Variants in LPIN1 observed in about 807,000 individuals in gnomAD.
The protein encoded by LPIN1 is phosphatidate phosphatase LPIN1.
A neutral mutation model predicts 107.5 loss-of-function variants in LPIN1; 71 were observed. That is an observed-to-expected ratio of 0.66 (90% CI 0.55 to 0.80). The LOEUF (loss-of-function observed/expected upper bound fraction) is 0.80, where lower values mean the gene tolerates loss of function less well. LPIN1 is among the 30% of genes least tolerant of loss of function. The pLI, the probability that LPIN1 is intolerant of heterozygous loss-of-function variation, is 0.00. For missense variants in LPIN1, 1,043 were observed against 1,160.6 expected (o/e 0.90, Z 1.47); for synonymous variants, 445 against 452.6 (o/e 0.98, Z 0.21).
intron 18 of LPIN1, chr2:11,817,462 C>G (rs1680760413): frequency 6.6e-6 from 1 of 152,224 alleles, no homozygotes; most frequent in African/African-American, 2.4e-5. Context: ...CCAAAGTCTT[C>G]TCTGACCTGT....
At position 11,697,411 on chromosome 2, in the gene LPIN1, C is replaced by T. The variant is rs565919752; in HGVS notation, c.82-16345C>T. On this transcript the variant is annotated intron_variant, in intron 1 of 21. Coordinates refer to the LPIN1 transcript ENST00000449576. This position sits in a 1 kb window ranked among gnomAD's most constrained non-coding sequence, Gnocchi z 4.6. ...TGCAGGAGGAACAGGAAGCAGCCCCCGTGGGCCACTGTGGGGCTGCACCAG... is the reference window on the plus strand; with the variant it reads ...TGCAGGAGGAACAGGAAGCAGCCCCTGTGGGCCACTGTGGGGCTGCACCAG... Among the ~76,000 whole-genome samples, 96 of 152,342 alleles carry T rather than the reference C, an allele frequency of 6.3e-4. 1 individual carries two copies. Among genetic ancestry groups the T allele is most frequent in the Admixed American group, 1.6e-3 (24 of 15,306 alleles).
intron 1 of LPIN1, among the ~76,000 whole-genome samples, chr2:11,687,459 T>C (rs1013436919): frequency 1.3e-5 from 2 of 151,738 alleles, no homozygotes; most frequent in Non-Finnish European, 2.9e-5. Flanking sequence ...GGATGTGATA[T>C]CTCCTATAGC....
At chr2:11,683,633 G>A (rs1265705731) in intron 1 of LPIN1, among the ~76,000 whole-genome samples, 2 of 152,170 alleles carry the variant, frequency 1.3e-5, no homozygotes, top group African/African-American at 4.8e-5. Flanking sequence ...GCCTCCTCCT[G>A]GACTCTATGC....
chr2:11,717,464 T>C (rs4669777), intron 2 of LPIN1, among the ~76,000 whole-genome samples: 49,906 of 151,648 alleles, frequency 0.33, 8,525 homozygotes, highest in East Asian at 0.51. Flanking sequence ...TTTTTATTGT[T>C]AGAAGAAATA....
intron 1 of LPIN1, among the ~76,000 whole-genome samples, chr2:11,731,830 G>GTTT (rs58665647): frequency 4.5e-4 from 68 of 149,662 alleles, no homozygotes; most frequent in Middle Eastern, 3.5e-3. Flanking sequence ...GTGATGATGA[G>GTTT]TTTTTTTTTT....
At chr2:11,762,381 G>T (rs543916315) in intron 1 of LPIN1, among the ~76,000 whole-genome samples, 4 of 149,220 alleles carry the variant, frequency 2.7e-5, no homozygotes, top group Non-Finnish European at 4.4e-5. Flanking sequence ...TTAACTCATC[G>T]GCCATTGATT....
At chr2:11,790,301 G>T (rs1229387023) in intron 12 of LPIN1, among the ~76,000 whole-genome samples, 2 of 152,174 alleles carry the variant, frequency 1.3e-5, no homozygotes, top group African/African-American at 4.8e-5. Context: ...GCAGTTTCAG[G>T]CTTGATGAAT....
At chr2:11,768,961 AAAAC>A (rs1462730445) in intron 3 of LPIN1, among the ~76,000 whole-genome samples, 12 of 152,110 alleles carry the variant, frequency 7.9e-5, no homozygotes, top group Admixed American at 7.9e-4. Flanking sequence ...AGAAACCAAA[AAAAC>A]CCAAAAAAAA....
chr2:11,696,970 G>A (rs1028123118), intron 1 of LPIN1, among the ~76,000 whole-genome samples: 1 of 152,218 alleles, frequency 6.6e-6, no homozygotes, highest in Non-Finnish European at 1.5e-5. Context: ...GGTTCTGCAC[G>A]TCAGCAGCAT....
chr2:11,776,123 G>T lies in LPIN1; in HGVS notation c.760G>T (p.Ala254Ser). Reference sequence around the variant, plus strand: ...TTGCAAAAGGACTGCCCCTCATCTTGCAGTTGCGGCCGAGGGAGGTCTGTC... The same window carrying T: ...TTGCAAAAGGACTGCCCCTCATCTTTCAGTTGCGGCCGAGGGAGGTCTGTC... ...VDCKRTAPHL[A>S]VAAEGGLSSS... Residue 254 changes from alanine (A) to serine (S), a missense_variant, in exon 6 of 21, where the codon GCA becomes TCA. Ala to Ser is a moderately conservative substitution (Grantham distance 99). Transcript: ENST00000674199. 1 of 1,548,570 alleles carries T rather than the reference G, an allele frequency of 6.5e-7. No individual in the cohort carries two copies. The highest frequency in any genetic ancestry group is 8.7e-7 in the Non-Finnish European group (1 of 1,145,710).
Position 11,803,635 on chromosome 2 carries a change from T to C in LPIN1, c.2013+602T>C, listed in dbSNP as rs1650499080. 6.6e-6 allele frequency among the ~76,000 whole-genome samples: 1 copy of C among 152,096 alleles called. No individual in the cohort carries two copies. The highest frequency in any genetic ancestry group is 2.4e-5 in the African/African-American group (1 of 41,414). On this transcript the variant is annotated intron_variant, in intron 15 of 20. Transcript: ENST00000674199. The surrounding 1 kb of genome is among the most constrained non-coding windows in gnomAD (Gnocchi z 4.2). ...GAGTTAGTGGGGAGCCTGGCTCAAG[T>C]GTGAGGGTGTTTACTAGGAAAAGAT...
intron 18 of LPIN1, chr2:11,819,153 G>T: frequency 3.7e-6 from 1 of 266,910 alleles, no homozygotes; most frequent in South Asian, 4.5e-5. Context: ...CTTTTTTTAG[G>T]TTTTGTTTTT....
rs1018701587 is a variant in LPIN1, at chr2:11,765,012, G to A, written c.-9-521G>A. 3.3e-5 allele frequency among the ~76,000 whole-genome samples: 5 copies of A among 152,210 alleles called. No homozygotes were observed. ...TGGTGGGCTTGCTGTGGGAGTTGGG[G>A]TGATAGGCCGTGATGGGCCATGATG... On this transcript the variant is annotated intron_variant, in intron 1 of 20. Transcript: ENST00000674199. This position sits in a 1 kb window ranked among gnomAD's most constrained non-coding sequence, Gnocchi z 4.4.
At chr2:11,766,915 C>T (rs556692617) in intron 2 of LPIN1, among the ~76,000 whole-genome samples, 3 of 152,276 alleles carry the variant, frequency 2.0e-5, no homozygotes, top group African/African-American at 7.2e-5. Context: ...TATGAGGAAG[C>T]CTGTCCTATC....
intron 14 of LPIN1, 116 bp from the exon 15 acceptor site, chr2:11,802,791 A>G: frequency 8.1e-7 from 1 of 1,229,790 alleles, no homozygotes; most frequent in Non-Finnish European, 1.2e-6. Context: ...TGACCACCCG[A>G]GAGACGGGAC....
At chr2:11,817,591 T>C (rs1680781324) in intron 18 of LPIN1, 1 of 152,154 alleles carries the variant, frequency 6.6e-6, no homozygotes, top group Non-Finnish European at 1.5e-5. Flanking sequence ...GTTTAATTTT[T>C]TTTTTCCTAT....
At chr2:11,702,919 G>T (rs4669771) in intron 1 of LPIN1, among the ~76,000 whole-genome samples, 2 of 118,072 alleles carry the variant, frequency 1.7e-5, no homozygotes, top group African/African-American at 3.4e-5. Flanking sequence ...TGAATATCTC[G>T]CACCTTATCT....
intron 1 of LPIN1, among the ~76,000 whole-genome samples, chr2:11,726,216 G>A (rs575121193): frequency 1.8e-4 from 28 of 152,048 alleles, no homozygotes; most frequent in Admixed American, 9.8e-4. Context: ...TAAAACAGAG[G>A]TTTCATAATG....
chr2:11,819,183 C>T (rs912238949), intron 18 of LPIN1: 3 of 354,148 alleles, frequency 8.5e-6, no homozygotes, highest in Non-Finnish European at 1.6e-5. Flanking sequence ...CTAGCCTCAT[C>T]GAATTAATTT....
Sources: gnomAD v4.1 joint callset for allele counts (sites outside exome capture counted in the v4.1 genomes callset) on GRCh38, gnomAD v4.1.1 for gene constraint, Gnocchi (gnomAD v3.1) non-coding constraint, MANE v1.5 for transcripts, NCBI Gene and HGNC (gene_info 2026-07-23, HGNC 2026-07-21) for gene names.